Variants in TBC1D10C observed in about 807,000 individuals in gnomAD.
The protein encoded by TBC1D10C is TBC1 domain family member 10C, also known as carabin.
TBC1D10C carries 49 observed loss-of-function variants against 51.0 expected under a neutral mutation model. The ratio of observed to expected loss-of-function variants is 0.96; its 90% CI spans 0.76 to 1.22. TBC1D10C has a LOEUF of 1.22. Ranked by LOEUF, TBC1D10C falls within the 50% of genes most tolerant of loss-of-function variation. The pLI, the probability that TBC1D10C is intolerant of heterozygous loss-of-function variation, is 0.00. For missense variants in TBC1D10C, 541 were observed against 617.5 expected (o/e 0.88, Z 1.31); for synonymous variants, 281 against 266.7 (o/e 1.05, Z -0.52).
intron 7 of TBC1D10C, chr11:67,408,701 C>T (rs1863300059): frequency 2.5e-6 from 1 of 404,114 alleles, no homozygotes; most frequent in Non-Finnish European, 4.4e-6. Flanking sequence ...ATCAAGTGAT[C>T]AAGACCTTCA....
rs985801581 is a variant in TBC1D10C, at chr11:67,409,496, G to C, written c.1083G>C (p.Pro361=). ...AQLPDSAPGP[P]PRPQVRLAGA... ...TGCCCGATTCCGCGCCGGGACCCCC[G>C]CCCCGGCCACAGGTCCGCCTCGCCG... is the stretch of plus-strand genomic sequence containing the variant. Residue 361 remains proline (P), a synonymous_variant, in exon 9 of 9, where the codon CCG becomes CCC. Transcript: ENST00000542590. 1 of 1,548,374 alleles carries C rather than the reference G, an allele frequency of 6.5e-7. No homozygotes were observed. Among genetic ancestry groups the C allele is most frequent in the Non-Finnish European group, 8.7e-7 (1 of 1,146,290 alleles).
chr11:67,405,089 G>C lies in TBC1D10C; in HGVS notation c.157G>C (p.Gly53Arg). The C allele has an allele frequency of 6.4e-7, 1 of 1,550,694 alleles. No homozygotes were observed. Among genetic ancestry groups the C allele is most frequent in the Non-Finnish European group, 8.7e-7 (1 of 1,146,700 alleles). Residue 53 changes from glycine (G) to arginine (R), a missense_variant, in exon 2 of 9, where the codon GGC (glycine) becomes CGC (arginine). Gly to Arg is a moderately radical substitution (Grantham distance 125). Transcript: ENST00000542590. ...IGGSSAEPGP[G>R]HPPADLIRQR... The stretch of plus-strand genomic sequence containing the variant: ...ACCTGTGCCATGCACCCCCAGGCCG[G>C]GCCACCCACCTGCAGACCTCATCCG...
rs929046419 is a variant in TBC1D10C at position 67,406,836 on chromosome 11, C to T, written c.658C>T (p.Arg220Trp). Reference sequence around the variant, plus strand: ...ATGGACGTGGCCACAGGAGGCTGTGCGGCTGGACGCCGAGGTGTTCATGGC... The same window carrying T: ...ATGGACGTGGCCACAGGAGGCTGTGTGGCTGGACGCCGAGGTGTTCATGGC... ...GYYGPHMEAV[R>W]LDAEVFMALL... The change falls in exon 7 of 9, where the codon CGG becomes TGG. Residue 220 changes from arginine (R) to tryptophan (W), a missense_variant. Coordinates refer to ENST00000542590, the MANE Select transcript of TBC1D10C (RefSeq NM_001369496.1). The T allele has an allele frequency of 6.8e-6, 11 of 1,607,464 alleles. No individual in the cohort carries two copies. The highest frequency in any genetic ancestry group is 6.7e-5 in the Admixed American group (4 of 59,790).
chr11:67,406,005 C>T lies in TBC1D10C; in HGVS notation c.570C>T (p.His190=). 1 of 1,591,778 alleles carries T rather than the reference C, an allele frequency of 6.3e-7. No individual in the cohort carries two copies. The highest frequency in any genetic ancestry group is 8.5e-7 in the Non-Finnish European group (1 of 1,171,980). The change falls in exon 5 of 9, where the codon CAC becomes CAT. Residue 190 remains histidine (H), a synonymous_variant. Transcript: ENST00000542590. ...QGPVAAVLLM[H]LPPEEAFWCL... ...CCGTGGCTGCTGTGCTGCTCATGCACCTGCCCCCAGAGGTGAGTGACCTTG... is the reference window on the plus strand; with the variant it reads ...CCGTGGCTGCTGTGCTGCTCATGCATCTGCCCCCAGAGGTGAGTGACCTTG...
chr11:67,405,349 C>A, intron 2 of TBC1D10C, 50 bp from the exon 3 acceptor site: 1 of 1,585,318 alleles, frequency 6.3e-7, no homozygotes, highest in South Asian at 1.1e-5. Flanking sequence ...TGGGGCCTGC[C>A]AGCAGGAGCT....
At position 67,409,730 on chromosome 11, in the gene TBC1D10C, C is replaced by T. The variant is rs1409716250; in HGVS notation, c.1317C>T (p.Thr439=). 2.5e-6 allele frequency: 4 copies of T among 1,588,730 alleles called. No homozygotes were observed. Among genetic ancestry groups the T allele is most frequent in the East Asian group, 2.2e-5 (1 of 44,842 alleles). Residue 439 remains threonine, a synonymous_variant, in exon 9 of 9, where the codon ACC becomes ACT. Coordinates refer to ENST00000542590, the MANE Select transcript of TBC1D10C (RefSeq NM_001369496.1). ...EGPPRPQRGS[T]SFLDTRF is the part of the protein sequence containing the mutation. ...CCCCCAGGCCCCAACGAGGCTCCAC[C>T]TCCTTCCTGGACACCCGCTTCTGAG...
chr11:67,409,181 G>T, intron 8 of TBC1D10C, 48 bp downstream of exon 8: 1 of 1,527,158 alleles, frequency 6.5e-7, no homozygotes. Flanking sequence ...CTGCTGCACG[G>T]GGGAAACTGA....
Position 67,405,649 on chromosome 11 carries a change from C to G in TBC1D10C, c.415C>G (p.Leu139Val). ...PQWMETIGRD[L>V]HRQFPLHEMF... ...GTGGATGGAGACCATTGGCAGGGAC[C>G]TGCACCGTCAATTCCCTCTGCACGA... is the stretch of plus-strand genomic sequence containing the variant. Residue 139 changes from leucine (L) to valine (V), a missense_variant, in exon 4 of 9, where the codon CTG (leucine) becomes GTG (valine). By Grantham distance (32) the Leu-to-Val change is conservative (BLOSUM62 1). Coordinates refer to ENST00000542590, the MANE Select transcript of TBC1D10C (RefSeq NM_001369496.1). 1 of 1,613,910 alleles carries G rather than the reference C, an allele frequency of 6.2e-7. No individual in the cohort carries two copies. The highest frequency in any genetic ancestry group is 8.5e-7 in the Non-Finnish European group (1 of 1,180,022).
At position 67,409,011 on chromosome 11, in the gene TBC1D10C, C is replaced by A; in HGVS notation, c.871C>A (p.Leu291Met). ...AGTACTGTTCCGTGTGGGGCTGACA[C>A]TGGTGCGCCTGGCGCTGGGCACTGC... ...ARVLFRVGLT[L>M]VRLALGTAEQ... Residue 291 changes from leucine (L) to methionine (M), a missense_variant, in exon 8 of 9, where the codon CTG becomes ATG. Transcript: ENST00000542590. The A allele has an allele frequency of 6.4e-7, 1 of 1,571,252 alleles. No individual in the cohort carries two copies. The highest frequency in any genetic ancestry group is 1.2e-5 in the South Asian group (1 of 85,832).
intron 1 of TBC1D10C, 143 bp downstream of exon 1, chr11:67,404,497 G>A: frequency 2.2e-6 from 2 of 895,878 alleles, no homozygotes; most frequent in Admixed American, 3.4e-5. Context: ...GCAGGTGCCA[G>A]GTGGAACCCT....
At chr11:67,405,331 G>C in intron 2 of TBC1D10C, 68 bp from the exon 3 acceptor site, 1 of 1,553,798 alleles carries the variant, frequency 6.4e-7, no homozygotes, top group Non-Finnish European at 8.8e-7. Flanking sequence ...CTGCTGATGA[G>C]CTGTGCCTGG....
chr11:67,405,815 A>G (rs189506755), intron 4 of TBC1D10C, 88 bp from the exon 5 acceptor site: 153 of 1,537,912 alleles, frequency 9.9e-5, no homozygotes, highest in Non-Finnish European at 1.2e-4. Context: ...AGGAAGGCCC[A>G]GGGAGGCTGA....
chr11:67,403,972 TG>T, upstream of TBC1D10C: 1 of 432,902 alleles, frequency 2.3e-6, no homozygotes, highest in Non-Finnish European at 4.0e-6. Flanking sequence ...GCTGGGCTGG[TG>T]GGGACAGGGG....
rs370675901 is a variant in TBC1D10C at position 67,404,104 on chromosome 11, C to A, written c.-99C>A. On this transcript the variant is annotated 5_prime_UTR_variant, in exon 1 of 9. Coordinates refer to ENST00000542590, the MANE Select transcript of TBC1D10C (RefSeq NM_001369496.1). ...TGGTGAGATACCCTGAAACCTCCCC[C>A]CTCTGACCCCGCAGCCAGGCCCCAG... 19 of 1,371,606 alleles carry A rather than the reference C, an allele frequency of 1.4e-5. No homozygotes were observed. The highest frequency in any genetic ancestry group is 9.6e-5 in the Admixed American group (3 of 31,374). The allele number at this position is 1,371,606 out of a possible 1,614,324, so 85.0% of individuals were successfully genotyped here.
At position 67,407,026 on chromosome 11, in the gene TBC1D10C, G is replaced by A. The variant is rs775987480; in HGVS notation, c.838+10G>A. 1.2e-6 allele frequency: 2 copies of A among 1,605,514 alleles called. No individual in the cohort carries two copies. The highest frequency in any genetic ancestry group is 3.4e-5 in the Admixed American group (2 of 59,552). On this transcript the variant is annotated intron_variant, in intron 7 of 8. Coordinates refer to ENST00000542590, the MANE Select transcript of TBC1D10C (RefSeq NM_001369496.1). ...GCCTTCCTCAGTGAGGGTGAGTGGG[G>A]CAGCCAGTGGCTGGGGCAGGAGCCT...
At chr11:67,406,578 T>C in intron 5 of TBC1D10C, 49 bp from the exon 6 acceptor site, 2 of 1,504,960 alleles carry the variant, frequency 1.3e-6, no homozygotes, top group Non-Finnish European at 1.8e-6. Context: ...TCCTCCACGG[T>C]CCCTTCCTTG....
At chr11:67,406,189 C>T in intron 5 of TBC1D10C, 172 bp downstream of exon 5, 1 of 572,534 alleles carries the variant, frequency 1.7e-6, no homozygotes, top group Non-Finnish European at 3.0e-6. Context: ...ATGACCTTGA[C>T]TCCAGGAACC....
chr11:67,409,811 C>G lies in TBC1D10C; in HGVS notation c.*57C>G. 7.1e-7 allele frequency: 1 copy of G among 1,399,512 alleles called. No individual in the cohort carries two copies. Among genetic ancestry groups the G allele is most frequent in the Non-Finnish European group, 9.6e-7 (1 of 1,041,574 alleles). 86.7% of individuals were successfully genotyped at this position (1,399,512 alleles called of 1,614,324 possible). On this transcript the variant is annotated 3_prime_UTR_variant, in exon 9 of 9. Coordinates refer to ENST00000542590, the MANE Select transcript of TBC1D10C (RefSeq NM_001369496.1). ...AATTGCCTGATGGCTGATGCCGGCC[C>G]GGCAAATAGGCACCGCACTTTACTC...
rs543229828 is a variant in TBC1D10C, at chr11:67,404,306, G to A, written c.104G>A (p.Arg35His). The stretch of plus-strand genomic sequence containing the variant: ...GAGCTCAGCGGGCCTGGCCCATATC[G>A]CCAGGCCGACCGCTATGGATTCATT... ...DSELSGPGPY[R>H]QADRYGFIGG... is the part of the protein sequence containing the mutation. The change falls in exon 1 of 9, where the codon CGC (arginine) becomes CAC (histidine). Residue 35 changes from arginine (R) to histidine (H), a missense_variant. Arg to His is a conservative substitution (Grantham distance 29, BLOSUM62 0). Coordinates refer to ENST00000542590, the MANE Select transcript of TBC1D10C (RefSeq NM_001369496.1). 3.1e-6 allele frequency: 5 copies of A among 1,599,138 alleles called. No homozygotes were observed. The highest frequency in any genetic ancestry group is 1.7e-5 in the Admixed American group (1 of 59,340).
Sources: gnomAD v4.1 joint callset for allele counts on GRCh38, gnomAD v4.1.1 for gene constraint, MANE v1.5 for transcripts, NCBI Gene and HGNC (gene_info 2026-07-23, HGNC 2026-07-21) for gene names.